Variants in GMEB2 observed in about 807,000 individuals in gnomAD.
The protein encoded by GMEB2 is glucocorticoid modulatory element-binding protein 2.
In GMEB2, 7 loss-of-function variants were observed where a neutral mutation model predicts 45.7. That is an observed-to-expected ratio of 0.15 (90% CI 0.09 to 0.29). GMEB2 has a LOEUF of 0.29. GMEB2 is among the 10% of genes least tolerant of loss of function. GMEB2 has a pLI of 1.00. For missense variants in GMEB2, 582 were observed against 739.2 expected, an observed-to-expected ratio of 0.79 and a Z score of 2.47; for synonymous variants, 322 against 323.6, an observed-to-expected ratio of 1.00 and a Z score of 0.05.
intron 2 of GMEB2, among the ~76,000 whole-genome samples, chr20:63,618,640 G>C (rs1461789541): frequency 6.6e-6 from 1 of 152,186 alleles, no homozygotes; most frequent in Non-Finnish European, 1.5e-5. Flanking sequence ...AGACCAACGG[G>C]AAGACTGCCC....
In GMEB2 at chr20:63,592,105, A is replaced by C. The variant is rs148780814; in HGVS notation, c.869T>G (p.Met290Arg). ...CAGCACCTTCTTCACCAGGTCCAGC[A>C]TGCCGAAGTTCTGCACGATGTTGTT... ...LLNNIVQNFG[M>R]LDLVKKVLAS... is the part of the protein sequence containing the mutation. The change falls in exon 9 of 10, where the codon ATG becomes AGG. Residue 290 changes from methionine to arginine, a missense_variant. Transcript: ENST00000370077. This position sits in a 1 kb window ranked among gnomAD's most constrained non-coding sequence, Gnocchi z 8.2. 1 of 1,613,426 alleles carries C rather than the reference A, an allele frequency of 6.2e-7. No homozygotes were observed. The highest frequency in any genetic ancestry group is 8.5e-7 in the Non-Finnish European group (1 of 1,179,690).
intron 1 of GMEB2, among the ~76,000 whole-genome samples, 191 bp downstream of exon 1, chr20:63,626,765 G>A (rs1601041378): frequency 6.8e-6 from 1 of 146,076 alleles, no homozygotes; most frequent in Non-Finnish European, 1.5e-5. Context: ...GCCCGCCACC[G>A]CCCGCGCCGC....
chr20:63,594,161 C>T (rs2083174959), intron 6 of GMEB2, among the ~76,000 whole-genome samples: 1 of 152,124 alleles, frequency 6.6e-6, no homozygotes, highest in South Asian at 2.1e-4. Flanking sequence ...AGTCGTTTTT[C>T]CGAGTTGGGG....
chr20:63,600,717 C>CA (rs34633546), intron 4 of GMEB2, among the ~76,000 whole-genome samples: 65,031 of 84,606 alleles, frequency 0.77, 25,168 homozygotes, highest in Non-Finnish European at 0.86. Context: ...GACTCCATCT[C>CA]AAAAAAAAAA....
At chr20:63,591,224 ACACAAAGTG>A (rs1213357456) in intron 9 of GMEB2, among the ~76,000 whole-genome samples, 3 of 73,076 alleles carry the variant, frequency 4.1e-5, no homozygotes, top group Non-Finnish European at 2.9e-5. Context: ...AACAGTGAAC[ACACAAAGTG>A]AAGAGTGAAC....
rs188786399 is a variant in GMEB2 at position 63,614,624 on chromosome 20, C to G, written c.131+4643G>C. Among the ~76,000 whole-genome samples the G allele has an allele frequency of 5.2e-3, 791 of 152,328 alleles. 5 individuals are homozygous for G. The highest frequency in any genetic ancestry group is 0.018 in the African/African-American group (738 of 41,570). ...GCCCGCAGTTATCCGGAGGCCTAAC[C>G]GTCTCCCTGTGATGCTGTGCTTCAG... On this transcript the variant is annotated intron_variant, in intron 2 of 9. Transcript: ENST00000370077.
rs1601020663 is a variant in GMEB2 at position 63,606,450 on chromosome 20, C to T, written c.132-1610G>A. ...GCAAGCTCTGCCTTCCGGGTTCACA[C>T]CATTCTCCTGCCTCAGCCTCCCGAG... On this transcript the variant is annotated intron_variant, in intron 2 of 9. Coordinates refer to ENST00000370077, the MANE Select transcript of GMEB2 (RefSeq NM_012384.5). Among the ~76,000 whole-genome samples the T allele has an allele frequency of 4.0e-5, 6 of 151,656 alleles. No individual in the cohort carries two copies. In the Middle Eastern group the frequency reaches 0.017, roughly 433 times the overall value.
chr20:63,596,711 G>A (rs75091289), intron 5 of GMEB2, among the ~76,000 whole-genome samples: 2,379 of 152,348 alleles, frequency 0.016, 33 homozygotes, highest in Non-Finnish European at 0.024. Context: ...CTGAGACTGA[G>A]GCTTATGATT....
At chr20:63,601,760 C>G (rs2083242790) in intron 4 of GMEB2, among the ~76,000 whole-genome samples, 1 of 152,266 alleles carries the variant, frequency 6.6e-6, no homozygotes, top group Non-Finnish European at 1.5e-5. Flanking sequence ...TGCTGCAGGG[C>G]CGACTCTGCA....
At chr20:63,610,172 T>C (rs977804711) in intron 2 of GMEB2, among the ~76,000 whole-genome samples, 6 of 152,220 alleles carry the variant, frequency 3.9e-5, no homozygotes, top group Non-Finnish European at 8.8e-5. Context: ...GTGCACCTCA[T>C]AACAGCCAAC....
chr20:63,606,512 T>C lies in GMEB2; in HGVS notation c.132-1672A>G, dbSNP rs550734825. ...ACAGGCGCCCGCCACCATGCCTGGC[T>C]AATTTTTTGTATTTTTGTTAGAGAC... On this transcript the variant is annotated intron_variant, in intron 2 of 9. Transcript: ENST00000370077. Among the ~76,000 whole-genome samples, 842 of 152,264 alleles carry C rather than the reference T, an allele frequency of 5.5e-3. 5 individuals carry two copies. Among genetic ancestry groups the C allele is most frequent in the Non-Finnish European group, 9.3e-3 (631 of 68,026 alleles).
intron 2 of GMEB2, among the ~76,000 whole-genome samples, chr20:63,612,014 C>A (rs2089575002): frequency 6.6e-6 from 1 of 152,200 alleles, no homozygotes; most frequent in East Asian, 1.9e-4. Context: ...CGTGACTGTG[C>A]CACTGCACTC....
intron 2 of GMEB2, among the ~76,000 whole-genome samples, chr20:63,614,778 TCTCTCTCTCTC>T (rs576649751): frequency 1.0e-3 from 157 of 152,188 alleles, no homozygotes; most frequent in African/African-American, 3.6e-3. Flanking sequence ...AAGCGGTCTC[TCTCTCTCTCTC>T]CTCTCTCTCT....
chr20:63,623,101 A>G (rs1458025127), intron 1 of GMEB2, among the ~76,000 whole-genome samples: 1 of 152,226 alleles, frequency 6.6e-6, no homozygotes, highest in African/African-American at 2.4e-5. Flanking sequence ...ACAAGAAAAT[A>G]TTCCCCGTTT....
rs2083110342 is a variant in GMEB2 at position 63,588,161 on chromosome 20, C to T, written c.*1928G>A. ...TTTTGTATGGCTCTGAAATTAACTT[C>T]CTCTCCCTATGCCTCAGTAGCTAAG... On this transcript the variant is annotated 3_prime_UTR_variant, in exon 10 of 10. Coordinates refer to ENST00000370077, the MANE Select transcript of GMEB2 (RefSeq NM_012384.5). 1 of 152,414 alleles carries T rather than the reference C, an allele frequency of 6.6e-6. No individual in the cohort carries two copies. The highest frequency in any genetic ancestry group is 1.5e-5 in the Non-Finnish European group (1 of 68,068). 9.4% of individuals were successfully genotyped at this position (152,414 alleles called of 1,614,324 possible).
Position 63,589,143 on chromosome 20 carries a change from G to C in GMEB2, c.*946C>G. 3 of 399,038 alleles carry C rather than the reference G, an allele frequency of 7.5e-6. No homozygotes were observed. The highest frequency in any genetic ancestry group is 1.3e-5 in the Non-Finnish European group (3 of 226,144). The allele number at this position is 399,038 out of a possible 1,614,324, so 24.7% of individuals were successfully genotyped here. A position where few individuals can be genotyped will look rare whatever the true frequency, so the allele number is the denominator to read the frequency against. On this transcript the variant is annotated 3_prime_UTR_variant, in exon 10 of 10. Transcript: ENST00000370077. Reference sequence around the variant, plus strand: ...GGAATCCTCGACCTCCATAGTGACTGGTTCTGTTTATGCCTCTGCCCCAGG... The same window carrying C: ...GGAATCCTCGACCTCCATAGTGACTCGTTCTGTTTATGCCTCTGCCCCAGG...
chr20:63,598,343 G>GACACACACACACACACAC lies in GMEB2; in HGVS notation c.358-501_358-484dup, dbSNP rs67747559. Among the ~76,000 whole-genome samples the GACACACACACACACACAC allele has an allele frequency of 8.9e-5, 13 of 146,164 alleles. 1 individual carries two copies. The highest frequency in any genetic ancestry group is 4.1e-4 in the Admixed American group (6 of 14,534). On this transcript the variant is annotated intron_variant, in intron 4 of 9. Coordinates refer to ENST00000370077, the MANE Select transcript of GMEB2 (RefSeq NM_012384.5). ...AAACACCGGCACCTGCTCTCACTCT[G>GACACACACACACACACAC]ACACACACACACACACACACACACA... is the stretch of plus-strand genomic sequence containing the variant.
At position 63,588,677 on chromosome 20, in the gene GMEB2, G is replaced by T; in HGVS notation, c.*1412C>A. 2 of 398,256 alleles carry T rather than the reference G, an allele frequency of 5.0e-6. No individual in the cohort carries two copies. The highest frequency in any genetic ancestry group is 7.1e-5 in the East Asian group (2 of 28,164). 24.7% of individuals were successfully genotyped at this position (398,256 alleles called of 1,614,324 possible). On this transcript the variant is annotated 3_prime_UTR_variant, in exon 10 of 10. Transcript: ENST00000370077. ...GCCAGCCAGTTCCCTTCGGAGCAGT[G>T]AAGTGGGACACAGGACCCTCGCATT...
chr20:63,590,768 G>A (rs920466684), intron 9 of GMEB2, 39 bp from the exon 10 acceptor site: 13 of 1,352,938 alleles, frequency 9.6e-6, no homozygotes, highest in Non-Finnish European at 1.1e-5. Context: ...AGGGGACGGG[G>A]GCATGGATGG....
Sources: allele counts gnomAD v4.1 joint callset (sites outside exome capture counted in the v4.1 genomes callset), GRCh38; gene constraint gnomAD v4.1.1; non-coding constraint Gnocchi (gnomAD v3.1); transcripts MANE v1.5; gene names NCBI Gene and HGNC (gene_info 2026-07-23, HGNC 2026-07-21).